The following SEMA4D variants were observed in gnomAD, a reference collection of about 807,000 sequenced individuals.
SEMA4D encodes the protein semaphorin 4D, also known as semaphorin-4D.
A neutral mutation model predicts 74.8 loss-of-function variants in SEMA4D; 22 were observed. The observed-to-expected ratio is 0.29, with a 90% confidence interval of 0.21 to 0.42. The LOEUF (loss-of-function observed/expected upper bound fraction) is 0.42, where lower values mean the gene tolerates loss of function less well. SEMA4D is among the 10% of genes least tolerant of loss of function. SEMA4D has a pLI of 1.00. For missense variants in SEMA4D, 937 were observed against 1,118.4 expected, an observed-to-expected ratio of 0.84 and a Z score of 2.31; for synonymous variants, 445 against 463.7, an observed-to-expected ratio of 0.96 and a Z score of 0.52.
intron 1 of SEMA4D, among the ~76,000 whole-genome samples, chr9:89,463,868 A>T (rs1053507362): frequency 2.0e-5 from 3 of 148,976 alleles, no homozygotes; most frequent in Non-Finnish European, 4.4e-5. Flanking sequence ...CAGGAGGTGG[A>T]GGTTGCGGTG....
intron 1 of SEMA4D, chr9:89,497,452 C>G (rs1826114257): frequency 2.0e-5 from 3 of 152,088 alleles, no homozygotes; most frequent in African/African-American, 7.2e-5. Flanking sequence ...CGCGGGGGCC[C>G]GGCCAGAGCC....
chr9:89,371,697 GTGTGGGA>G (rs1162240617), intron 16 of SEMA4D, among the ~76,000 whole-genome samples: 1 of 97,278 alleles, frequency 1.0e-5, no homozygotes, highest in Non-Finnish European at 2.1e-5. Flanking sequence ...GGTGTGATGT[GTGTGGGA>G]TGTGTCTGGG....
intron 13 of SEMA4D, chr9:89,384,932 C>T: frequency 2.0e-6 from 2 of 985,444 alleles, no homozygotes; most frequent in Non-Finnish European, 2.4e-6. Context: ...CCACGGCAGG[C>T]AGGATGTATT....
At position 89,386,412 on chromosome 9, in the gene SEMA4D, G is replaced by A. The variant is rs766870107; in HGVS notation, c.1401C>T (p.Phe467=). Residue 467 remains phenylalanine, a synonymous_variant, in exon 13 of 16, where the codon TTC becomes TTT. Transcript: ENST00000422704. ...AVHIIEETQL[F]QDFEPVQTLL... ...GGGTCTGGACTGGCTCAAAGTCCTG[G>A]AAGAGCTGGGTCTCCTCGATGATGT... The A allele has an allele frequency of 1.2e-6, 2 of 1,614,098 alleles. No individual in the cohort carries two copies. The highest frequency in any genetic ancestry group is 1.7e-6 in the Non-Finnish European group (2 of 1,179,972).
intron 1 of SEMA4D, among the ~76,000 whole-genome samples, chr9:89,474,858 A>T (rs1467591666): frequency 6.6e-6 from 1 of 152,250 alleles, no homozygotes; most frequent in African/African-American, 2.4e-5. Flanking sequence ...CAGGTCTGTG[A>T]CTGTCAGCCC....
chr9:89,393,799 C>T, intron 6 of SEMA4D, 144 bp from the exon 7 acceptor site: 1 of 652,812 alleles, frequency 1.5e-6, no homozygotes, highest in South Asian at 1.8e-5. Context: ...CTACAGGAGT[C>T]CCGCCCACTA....
intron 18 of SEMA4D, chr9:89,363,370 T>A: frequency 6.3e-7 from 1 of 1,594,508 alleles, no homozygotes; most frequent in Non-Finnish European, 8.5e-7. Context: ...CCACTGGATG[T>A]GGCAGGTGCC....
intron 2 of SEMA4D, chr9:89,450,835 T>C (rs1854322023): frequency 3.0e-6 from 2 of 660,746 alleles, no homozygotes; most frequent in Non-Finnish European, 2.6e-6. Flanking sequence ...GTGCAGTTCT[T>C]CTCCACCTAG....
At chr9:89,432,477 A>AAACC (rs1259555345) in intron 2 of SEMA4D, among the ~76,000 whole-genome samples, 1 of 152,130 alleles carries the variant, frequency 6.6e-6, no homozygotes, top group Non-Finnish European at 1.5e-5. Flanking sequence ...GGCAGCAATA[A>AAACC]AACCACTGGC....
intron 2 of SEMA4D, chr9:89,449,799 T>C (rs1853910854): frequency 2.7e-6 from 4 of 1,496,078 alleles, no homozygotes; most frequent in Non-Finnish European, 9.3e-7. Context: ...CACCAGCATT[T>C]TGGTAAATAA....
At chr9:89,367,769 T>A (rs1254381083) in intron 16 of SEMA4D, 1 of 152,228 alleles carries the variant, frequency 6.6e-6, no homozygotes, top group African/African-American at 2.4e-5. Context: ...CACCTTGGTA[T>A]AAGCAAGGGC....
At chr9:89,385,453 C>T (rs530462353) in intron 13 of SEMA4D, 86 of 985,424 alleles carry the variant, frequency 8.7e-5, no homozygotes, top group East Asian at 3.4e-4. Flanking sequence ...GCTAAAGCGT[C>T]GACCCTTCAA....
chr9:89,433,331 G>A lies in SEMA4D; in HGVS notation c.-244+22557C>T, dbSNP rs564576151. Reference sequence around the variant, plus strand: ...CACCAGGGGACTTGCTCACTTCCAGGGGGGCCAGGCGGTCGGTGGGCCACT... The same window carrying A: ...CACCAGGGGACTTGCTCACTTCCAGAGGGGCCAGGCGGTCGGTGGGCCACT... On this transcript the variant is annotated intron_variant, in intron 2 of 15. Coordinates refer to ENST00000422704, the MANE Select transcript of SEMA4D (RefSeq NM_001371194.2). Among the ~76,000 whole-genome samples, 6 of 152,334 alleles carry A rather than the reference G, an allele frequency of 3.9e-5. No individual in the cohort carries two copies. The South Asian group carries it at 1.0e-3, about 26-fold the overall frequency.
chr9:89,480,606 C>T (rs1361082648), intron 1 of SEMA4D, among the ~76,000 whole-genome samples: 2 of 152,238 alleles, frequency 1.3e-5, no homozygotes, highest in Admixed American at 6.5e-5. Context: ...AGCACAGCGC[C>T]GGTGGGCCAG....
Position 89,379,217 on chromosome 9 carries a change from G to A in SEMA4D, c.2076C>T (p.Ser692=), listed in dbSNP as rs368615002. 1.4e-5 allele frequency: 23 copies of A among 1,613,944 alleles called. No homozygotes were observed. Among genetic ancestry groups the A allele is most frequent in the South Asian group, 4.4e-5 (4 of 91,072 alleles). Residue 692 remains serine (S), a synonymous_variant, in exon 16 of 16, where the codon TCC becomes TCT. Coordinates refer to ENST00000422704, the MANE Select transcript of SEMA4D (RefSeq NM_001371194.2). ...GCTTGGGAGGAAGGGTGATGGCCCC[G>A]GAGGAGGTGGCCTGCACGGCTGGGG... ...PPTPAVQATS[S]GAITLPPKPA... is the part of the protein sequence containing the mutation.
intron 2 of SEMA4D, among the ~76,000 whole-genome samples, chr9:89,441,133 A>G (rs1851579672): frequency 6.6e-6 from 1 of 152,222 alleles, no homozygotes; most frequent in Non-Finnish European, 1.5e-5. Flanking sequence ...CACTGATCTT[A>G]AAGTCTTATT....
intron 2 of SEMA4D, among the ~76,000 whole-genome samples, chr9:89,420,046 T>C (rs1200773050): frequency 6.6e-6 from 1 of 152,256 alleles, no homozygotes; most frequent in Non-Finnish European, 1.5e-5. Flanking sequence ...GGTAATTTTG[T>C]GGCATCCAAC....
intron 2 of SEMA4D, among the ~76,000 whole-genome samples, chr9:89,413,795 T>C (rs1845064110): frequency 6.6e-6 from 1 of 152,254 alleles, no homozygotes; most frequent in African/African-American, 2.4e-5. Flanking sequence ...TATCTGTGTA[T>C]GCATATACAT....
At chr9:89,409,073 G>T (rs768213069) in intron 2 of SEMA4D, among the ~76,000 whole-genome samples, 13 of 152,172 alleles carry the variant, frequency 8.5e-5, no homozygotes, top group Non-Finnish European at 1.5e-4. Flanking sequence ...GCTACATCCA[G>T]ACAGGGGAAC....
Sources: allele counts gnomAD v4.1 joint callset (sites outside exome capture counted in the v4.1 genomes callset), GRCh38; gene constraint gnomAD v4.1.1; transcripts MANE v1.5; gene names NCBI Gene and HGNC (gene_info 2026-07-23, HGNC 2026-07-21).